Variants in ARRB1 observed in about 807,000 individuals in gnomAD.
ARRB1 encodes arrestin beta 1.
Under a neutral mutation model 56.8 loss-of-function variants are expected in ARRB1, and 21 were observed. The ratio of observed to expected loss-of-function variants is 0.37; its 90% CI spans 0.26 to 0.53. ARRB1 has a LOEUF of 0.53. Among genes scored for constraint, ARRB1 ranks in the 20% least tolerant of loss-of-function variants. The pLI is 0.88. For missense variants in ARRB1, 424 were observed against 553.7 expected (o/e 0.77, Z 2.35); for synonymous variants, 210 against 218.6 (o/e 0.96, Z 0.35).
intron 1 of ARRB1, among the ~76,000 whole-genome samples, chr11:75,327,919 G>A (rs1947467614): frequency 6.6e-6 from 1 of 152,152 alleles, no homozygotes. Context: ...CCTGGGCAAT[G>A]CAGCAAGACC....
Position 75,263,059 on chromosome 11 carries a change from G to A in ARRB1, c.*3104C>T, listed in dbSNP as rs1313169700. ...CCGGTGTCCACACGCCACCCACAGG[G>A]CACACTGCAAAGTCCCAGTGACGGA... On this transcript the variant is annotated 3_prime_UTR_variant, in exon 16 of 16. Transcript: ENST00000420843. 2.0e-5 allele frequency among the ~76,000 whole-genome samples: 3 copies of A among 152,226 alleles called. No individual in the cohort carries two copies. The highest frequency in any genetic ancestry group is 2.9e-5 in the Non-Finnish European group (2 of 68,032).
At chr11:75,272,729 G>T in intron 12 of ARRB1, 166 bp downstream of exon 12, 1 of 624,116 alleles carries the variant, frequency 1.6e-6, no homozygotes, top group East Asian at 2.8e-5. Context: ...AAGCGGGCGG[G>T]GGAGAAAGAG....
chr11:75,330,461 T>A (rs555497035), intron 1 of ARRB1, among the ~76,000 whole-genome samples: 1 of 152,214 alleles, frequency 6.6e-6, no homozygotes, highest in African/African-American at 2.4e-5. Context: ...CCTGGCTATA[T>A]GTAAATGTTT....
intron 1 of ARRB1, among the ~76,000 whole-genome samples, chr11:75,341,587 G>C (rs1476188611): frequency 6.6e-6 from 1 of 152,192 alleles, no homozygotes; most frequent in Admixed American, 6.5e-5. Context: ...CAGTAGAGCA[G>C]AGTCTGCCTA....
intron 1 of ARRB1, among the ~76,000 whole-genome samples, chr11:75,300,639 G>C (rs1946877551): frequency 6.6e-6 from 1 of 152,140 alleles, no homozygotes; most frequent in Admixed American, 6.5e-5. Context: ...AGACCATCCT[G>C]GCCAATATGG....
At position 75,274,318 on chromosome 11, in the gene ARRB1, T is replaced by C. The variant is rs556769977; in HGVS notation, c.777-107A>G. On this transcript the variant is annotated intron_variant, in intron 10 of 15. Coordinates refer to ENST00000420843, the MANE Select transcript of ARRB1 (RefSeq NM_004041.5). ...AGTCTGAGCCTGCTCCAAGTCTCCC[T>C]CTCCCAACCTCTGTCCCCCAGACAC... The C allele has an allele frequency of 1.6e-5, 23 of 1,481,654 alleles. 1 individual carries two copies. In the South Asian group the frequency reaches 2.5e-4, roughly 16 times the overall value. The allele number at this position is 1,481,654 out of a possible 1,614,324, so 91.8% of individuals were successfully genotyped here. A position where few individuals can be genotyped will look rare whatever the true frequency, so the allele number is the denominator to read the frequency against.
At chr11:75,266,362 G>A in intron 15 of ARRB1, 88 bp from the exon 16 acceptor site, 1 of 1,111,484 alleles carries the variant, frequency 9.0e-7, no homozygotes, top group Non-Finnish European at 1.4e-6. Context: ...GTGACTCAGA[G>A]TATGGCTCTG....
At chr11:75,340,926 C>T (rs967700623) in intron 1 of ARRB1, among the ~76,000 whole-genome samples, 1 of 152,134 alleles carries the variant, frequency 6.6e-6, no homozygotes, top group Non-Finnish European at 1.5e-5. Context: ...CACCACACTG[C>T]TGCTGCTGGC....
At chr11:75,319,694 T>C (rs1217441142) in intron 1 of ARRB1, among the ~76,000 whole-genome samples, 2 of 152,148 alleles carry the variant, frequency 1.3e-5, no homozygotes, top group Admixed American at 6.5e-5. Flanking sequence ...AAGGCCGAGG[T>C]TGGGCTCTGT....
chr11:75,312,706 G>A lies in ARRB1; in HGVS notation c.21-22667C>T, dbSNP rs555436319. On this transcript the variant is annotated intron_variant, in intron 1 of 15. Coordinates refer to ENST00000420843, the MANE Select transcript of ARRB1 (RefSeq NM_004041.5). ...ATCACAAGGGTCCTGACAAGAGGGA[G>A]GCAGGAGGGTCAGAGAGAGTAAAGG... Among the ~76,000 whole-genome samples, 189 of 152,344 alleles carry A rather than the reference G, an allele frequency of 1.2e-3. 1 individual carries two copies. The highest frequency in any genetic ancestry group is 4.1e-3 in the African/African-American group (172 of 41,588).
rs574667536 is a variant in ARRB1 at position 75,263,637 on chromosome 11, T to C, written c.*2526A>G. The stretch of plus-strand genomic sequence containing the variant: ...GGACAGGGGCTGGGACTGACCCATC[T>C]CTGTGGCTCCAGTACTTGGCATAGA... On this transcript the variant is annotated 3_prime_UTR_variant, in exon 16 of 16. Coordinates refer to ENST00000420843, the MANE Select transcript of ARRB1 (RefSeq NM_004041.5). Among the ~76,000 whole-genome samples the C allele has an allele frequency of 1.8e-4, 27 of 152,142 alleles. No individual in the cohort carries two copies. The highest frequency in any genetic ancestry group is 6.3e-4 in the African/African-American group (26 of 41,492).
chr11:75,305,080 G>A (rs2140470888), intron 1 of ARRB1, among the ~76,000 whole-genome samples: 1 of 139,148 alleles, frequency 7.2e-6, no homozygotes, highest in African/African-American at 2.7e-5. Flanking sequence ...CTAGAATGTG[G>A]AATGCAGTGA....
intron 1 of ARRB1, among the ~76,000 whole-genome samples, chr11:75,303,401 GC>G (rs1946949766): frequency 6.6e-6 from 1 of 151,990 alleles, no homozygotes; most frequent in African/African-American, 2.4e-5. Flanking sequence ...ACCAACTGCA[GC>G]CCCTTCCCAT....
intron 1 of ARRB1, among the ~76,000 whole-genome samples, chr11:75,304,779 C>A (rs1444550976): frequency 6.6e-6 from 1 of 151,638 alleles, no homozygotes; most frequent in Non-Finnish European, 1.5e-5. Context: ...TGCTGAGAAA[C>A]CCTGCTTGGA....
chr11:75,299,688 T>A (rs1372113743), intron 1 of ARRB1, among the ~76,000 whole-genome samples: 1 of 152,186 alleles, frequency 6.6e-6, no homozygotes, highest in Non-Finnish European at 1.5e-5. Context: ...TGTGTCCCCA[T>A]TCATAGCACT....
At chr11:75,278,495 C>A in intron 8 of ARRB1, 114 bp downstream of exon 8, 2 of 1,449,316 alleles carry the variant, frequency 1.4e-6, no homozygotes, top group South Asian at 1.3e-5. Context: ...GGTCCTTGGG[C>A]TGGGGATAGA....
intron 4 of ARRB1, 36 bp from the exon 5 acceptor site, chr11:75,283,519 G>A (rs1250894283): frequency 1.3e-6 from 2 of 1,557,410 alleles, no homozygotes; most frequent in Admixed American, 3.7e-5. Flanking sequence ...AGGGGCCTGG[G>A]AGAGCAGCAA....
At chr11:75,349,874 C>T (rs1196092152) in intron 1 of ARRB1, among the ~76,000 whole-genome samples, 1 of 152,246 alleles carries the variant, frequency 6.6e-6, no homozygotes, top group Non-Finnish European at 1.5e-5. Context: ...AGCAGGGCTC[C>T]CCTCCCTGGC....
intron 6 of ARRB1, 100 bp downstream of exon 6, chr11:75,281,862 G>T: frequency 8.2e-7 from 1 of 1,215,828 alleles, no homozygotes; most frequent in South Asian, 1.3e-5. Flanking sequence ...TCAACAGGGA[G>T]AGTGGTCCTG....
Sources: gnomAD v4.1 joint callset for allele counts (sites outside exome capture counted in the v4.1 genomes callset) on GRCh38, gnomAD v4.1.1 for gene constraint, MANE v1.5 for transcripts, NCBI Gene and HGNC (gene_info 2026-07-23, HGNC 2026-07-21) for gene names.